CHCHD3: variants seen among roughly 807,000 people sequenced by gnomAD.
CHCHD3 encodes MICOS complex subunit MIC19.
In CHCHD3, 20 loss-of-function variants were observed where a neutral mutation model predicts 38.2. The ratio of observed to expected loss-of-function variants is 0.52; its 90% CI spans 0.37 to 0.76. The LOEUF (loss-of-function observed/expected upper bound fraction) is 0.76. Ranked by LOEUF, CHCHD3 falls within the 30% of genes least tolerant of loss-of-function variation. The pLI, the probability that CHCHD3 is intolerant of heterozygous loss-of-function variation, is 0.00. For synonymous variants in CHCHD3, 82 were observed against 100.0 expected, an observed-to-expected ratio of 0.82 and a Z score of 1.07; for missense variants, 245 against 279.2, an observed-to-expected ratio of 0.88 and a Z score of 0.87.
chr7:132,791,238 A>G (rs889223848), intron 7 of CHCHD3, among the ~76,000 whole-genome samples: 1 of 152,164 alleles, frequency 6.6e-6, no homozygotes, highest in East Asian at 1.9e-4. Flanking sequence ...GGGTGGGTAC[A>G]TTTTAAGCAA....
At chr7:133,079,059 A>G (rs933567918) in intron 1 of CHCHD3, among the ~76,000 whole-genome samples, 7 of 152,222 alleles carry the variant, frequency 4.6e-5, no homozygotes, top group East Asian at 1.9e-4. Flanking sequence ...AATAAAAACC[A>G]TCTACAACAG....
intron 6 of CHCHD3, among the ~76,000 whole-genome samples, chr7:132,810,521 T>C (rs1345889446): frequency 6.6e-6 from 1 of 152,230 alleles, no homozygotes; most frequent in African/African-American, 2.4e-5. Flanking sequence ...CATTCTAGTC[T>C]GCTGCTGAGA....
At chr7:132,786,931 G>A (rs995694888) in intron 7 of CHCHD3, among the ~76,000 whole-genome samples, 1 of 152,176 alleles carries the variant, frequency 6.6e-6, no homozygotes, top group Non-Finnish European at 1.5e-5. Context: ...TTCCAGAGAT[G>A]GTCACAGTTC....
intron 6 of CHCHD3, among the ~76,000 whole-genome samples, chr7:132,832,702 T>C (rs1423237087): frequency 6.6e-6 from 1 of 152,242 alleles, no homozygotes; most frequent in African/African-American, 2.4e-5. Flanking sequence ...TGCTTTTCTA[T>C]TTTAAAAACA....
chr7:132,957,469 C>A (rs1238566650), intron 4 of CHCHD3, among the ~76,000 whole-genome samples: 1 of 151,950 alleles, frequency 6.6e-6, no homozygotes, highest in Non-Finnish European at 1.5e-5. Context: ...CTGGGGCACA[C>A]CCTTCTTAAG....
In CHCHD3 at chr7:132,963,155, A is replaced by AAT. The variant is rs1305933173; in HGVS notation, c.369+12012_369+12013dup. ...ATCCCCTCCCCCAAATAAAAAAAAAAATATATATATATATAATATATGTAG... is the reference window on the plus strand; with the variant it reads ...ATCCCCTCCCCCAAATAAAAAAAAAAATATATATATATATATAATATATGTAG... On this transcript the variant is annotated intron_variant, in intron 4 of 7. Transcript: ENST00000262570. 1.0e-3 allele frequency among the ~76,000 whole-genome samples: 149 copies of AAT among 145,896 alleles called. 1 individual carries two copies. The highest frequency in any genetic ancestry group is 3.3e-3 in the African/African-American group (135 of 40,374).
At chr7:132,980,429 T>C (rs1212270973) in intron 3 of CHCHD3, among the ~76,000 whole-genome samples, 1 of 152,252 alleles carries the variant, frequency 6.6e-6, no homozygotes, top group Non-Finnish European at 1.5e-5. Context: ...TAATATATTC[T>C]ACATTAAGTC....
At chr7:133,012,949 G>A (rs1478610847) in intron 3 of CHCHD3, among the ~76,000 whole-genome samples, 2 of 151,728 alleles carry the variant, frequency 1.3e-5, no homozygotes, top group African/African-American at 2.4e-5. Flanking sequence ...ACTTTGGGAG[G>A]TCAAGGTGGG....
intron 4 of CHCHD3, among the ~76,000 whole-genome samples, chr7:132,957,315 C>A (rs1023504326): frequency 6.6e-6 from 1 of 152,082 alleles, no homozygotes; most frequent in Admixed American, 6.5e-5. Flanking sequence ...TCGAAAGGTG[C>A]CCAGAAAAGG....
intron 5 of CHCHD3, among the ~76,000 whole-genome samples, chr7:132,882,010 G>A (rs538080288): frequency 9.9e-5 from 15 of 152,152 alleles, no homozygotes; most frequent in Non-Finnish European, 2.1e-4. Context: ...ACAGAAATGT[G>A]CAAAAGACAC....
chr7:133,074,109 C>G (rs924026913), intron 1 of CHCHD3, among the ~76,000 whole-genome samples: 2 of 152,186 alleles, frequency 1.3e-5, no homozygotes, highest in African/African-American at 4.8e-5. Flanking sequence ...AATGAAAGAA[C>G]AGGAATTAGC....
chr7:132,825,941 A>C (rs1200255248), intron 6 of CHCHD3, among the ~76,000 whole-genome samples: 1 of 152,234 alleles, frequency 6.6e-6, no homozygotes, highest in African/African-American at 2.4e-5. Context: ...CAGGCCAAGC[A>C]AGCTTCTACC....
At chr7:132,947,123 T>C (rs1810920812) in intron 4 of CHCHD3, among the ~76,000 whole-genome samples, 2 of 152,120 alleles carry the variant, frequency 1.3e-5, no homozygotes, top group South Asian at 2.1e-4. Context: ...TTAAAGCAAG[T>C]AGACAATTAG....
intron 4 of CHCHD3, among the ~76,000 whole-genome samples, chr7:132,906,780 T>C (rs1027787708): frequency 6.6e-6 from 1 of 152,224 alleles, no homozygotes; most frequent in African/African-American, 2.4e-5. Flanking sequence ...TGTAGCTTTC[T>C]GTCACCTGAG....
At chr7:132,861,225 C>T (rs376928544) in intron 5 of CHCHD3, among the ~76,000 whole-genome samples, 5 of 152,270 alleles carry the variant, frequency 3.3e-5, no homozygotes, top group South Asian at 4.1e-4. Flanking sequence ...GGTGCCATTT[C>T]CCGAGGAAAA....
chr7:133,071,269 C>CCT (rs1814812326), intron 1 of CHCHD3, among the ~76,000 whole-genome samples: 2 of 152,142 alleles, frequency 1.3e-5, no homozygotes, highest in Non-Finnish European at 2.9e-5. Flanking sequence ...ACTCCCAGAG[C>CCT]CTCACTAAGC....
intron 3 of CHCHD3, among the ~76,000 whole-genome samples, chr7:132,997,549 ATTCTT>A (rs1309278495): frequency 6.6e-5 from 10 of 151,522 alleles, no homozygotes; most frequent in African/African-American, 2.2e-4. Context: ...CCAGAAAAAG[ATTCTT>A]TTCTTTTCTT....
intron 4 of CHCHD3, among the ~76,000 whole-genome samples, chr7:132,966,243 T>C (rs1038511802): frequency 6.6e-6 from 1 of 152,202 alleles, no homozygotes; most frequent in African/African-American, 2.4e-5. Context: ...CCGTTTGGTA[T>C]TTTCAAGAGA....
intron 5 of CHCHD3, among the ~76,000 whole-genome samples, chr7:132,864,499 T>C (rs930901085): frequency 6.6e-6 from 1 of 152,172 alleles, no homozygotes; most frequent in African/African-American, 2.4e-5. Context: ...ACTACCAAAA[T>C]GTGGCACAGA....
Sources: gnomAD v4.1 joint callset for allele counts (sites outside exome capture counted in the v4.1 genomes callset) on GRCh38, gnomAD v4.1.1 for gene constraint, MANE v1.5 for transcripts, NCBI Gene and HGNC (gene_info 2026-07-23, HGNC 2026-07-21) for gene names.